FAT3: variants seen among roughly 807,000 people sequenced by gnomAD.
The protein encoded by FAT3 is FAT atypical cadherin 3, also known as protocadherin Fat 3.
Under a neutral mutation model 310.2 loss-of-function variants are expected in FAT3, and 95 were observed. The observed-to-expected ratio is 0.31, with a 90% CI of 0.26 to 0.36. The LOEUF is 0.36. Among genes scored for constraint, FAT3 ranks in the 10% least tolerant of loss-of-function variants. The pLI, the probability that FAT3 is intolerant of heterozygous loss-of-function variation, is 1.00. For missense variants in FAT3, 5,408 were observed against 5,715.6 expected (o/e 0.95, Z 1.74); for synonymous variants, 2,314 against 2,192.9 (o/e 1.06, Z -1.54).
At chr11:92,411,156 T>TATA (rs1555037851) in intron 2 of FAT3, among the ~76,000 whole-genome samples, 1 of 143,086 alleles carries the variant, frequency 7.0e-6, no homozygotes, top group African/African-American at 2.5e-5. Context: ...AAATTATATA[T>TATA]ATATAATATA....
intron 1 of FAT3, among the ~76,000 whole-genome samples, chr11:92,274,085 A>G (rs1051340119): frequency 6.6e-6 from 1 of 152,060 alleles, no homozygotes; most frequent in Non-Finnish European, 1.5e-5. Context: ...AAGTCCTAAT[A>G]TTTCTGAAAC....
intron 3 of FAT3, among the ~76,000 whole-genome samples, chr11:92,526,342 A>G (rs976311382): frequency 6.6e-6 from 1 of 152,178 alleles, no homozygotes; most frequent in Non-Finnish European, 1.5e-5. Flanking sequence ...GAGAGAGAGA[A>G]CAAAAACAAA....
intron 16 of FAT3, 151 bp from the exon 17 acceptor site, chr11:92,837,512 C>T: frequency 1.1e-6 from 1 of 903,482 alleles, no homozygotes; most frequent in Non-Finnish European, 1.7e-6. Context: ...ACCCAAATGT[C>T]AGTGGTGCCA....
Position 92,801,378 on chromosome 11 carries a change from C to A in FAT3, c.8365C>A (p.Leu2789Met), listed in dbSNP as rs751102833. 2 of 1,613,902 alleles carry A rather than the reference C, an allele frequency of 1.2e-6. No individual in the cohort carries two copies. The highest frequency in any genetic ancestry group is 1.7e-6 in the Non-Finnish European group (2 of 1,179,856). Residue 2789 changes from leucine to methionine, a missense_variant, in exon 10 of 28, where the codon CTG becomes ATG. Leu to Met is a conservative substitution (Grantham distance 15). Transcript: ENST00000525166. Reference sequence around the variant, plus strand: ...CTTTAAAGTAGCAGCCACTATACCCCTGGACAAAGTAGACATTGTGTTTAC... The same window carrying A: ...CTTTAAAGTAGCAGCCACTATACCCATGGACAAAGTAGACATTGTGTTTAC... ...FHFKVAATIP[L>M]DKVDIVFTVD...
chr11:92,773,004 A>G (rs924404069), intron 6 of FAT3, among the ~76,000 whole-genome samples: 1 of 152,214 alleles, frequency 6.6e-6, no homozygotes, highest in Non-Finnish European at 1.5e-5. Context: ...ACATTGCCCT[A>G]TATGCTGTAG....
rs527759487 is a variant in FAT3, at chr11:92,517,286, A to G, written c.3293-7348A>G. On this transcript the variant is annotated intron_variant, in intron 2 of 27. Transcript: ENST00000525166. ...ATGGTACTGATACCAAAACAAATATATAGACCAAAGGGACAGAACAGAGGC... is the reference window on the plus strand; with the variant it reads ...ATGGTACTGATACCAAAACAAATATGTAGACCAAAGGGACAGAACAGAGGC... 5.9e-5 allele frequency among the ~76,000 whole-genome samples: 9 copies of G among 152,318 alleles called. No homozygotes were observed. The South Asian group carries it at 1.4e-3, about 25-fold the overall frequency.
At chr11:92,265,135 TAAG>T (rs1945900383) in intron 1 of FAT3, among the ~76,000 whole-genome samples, 1 of 151,982 alleles carries the variant, frequency 6.6e-6, no homozygotes, top group Admixed American at 6.6e-5. Flanking sequence ...GTATGTGAAT[TAAG>T]AGGACCACTG....
intron 2 of FAT3, among the ~76,000 whole-genome samples, chr11:92,444,256 G>C (rs1397837823): frequency 6.6e-6 from 1 of 152,010 alleles, no homozygotes; most frequent in Non-Finnish European, 1.5e-5. Context: ...ATGCTCATTG[G>C]GGATTTACTC....
intron 3 of FAT3, among the ~76,000 whole-genome samples, chr11:92,558,069 A>G (rs182623716): frequency 1.4e-3 from 220 of 152,310 alleles, no homozygotes; most frequent in African/African-American, 5.1e-3. Context: ...GCTTAGAGAT[A>G]TGAATCAGCC....
At chr11:92,567,229 A>G (rs1156240200) in intron 3 of FAT3, among the ~76,000 whole-genome samples, 3 of 112,880 alleles carry the variant, frequency 2.7e-5, no homozygotes, top group Admixed American at 1.8e-4. Context: ...GGCGAAGGAC[A>G]TGAACAGACA....
chr11:92,677,788 A>G (rs918145603), intron 3 of FAT3, among the ~76,000 whole-genome samples: 1 of 152,204 alleles, frequency 6.6e-6, no homozygotes. Context: ...ATTGGACAAA[A>G]CACACAAACG....
At chr11:92,344,224 T>G (rs1219244244) in intron 1 of FAT3, among the ~76,000 whole-genome samples, 1 of 152,194 alleles carries the variant, frequency 6.6e-6, no homozygotes, top group Non-Finnish European at 1.5e-5. Flanking sequence ...TCCCAACATA[T>G]CAAATGGAAA....
intron 1 of FAT3, chr11:92,336,287 GTTC>G: frequency 2.0e-6 from 1 of 501,972 alleles, no homozygotes; most frequent in South Asian, 1.7e-5. Flanking sequence ...GGGAGTCTGG[GTTC>G]TTCTCATAGA....
At chr11:92,474,580 T>C (rs1565344891) in intron 2 of FAT3, among the ~76,000 whole-genome samples, 1 of 151,958 alleles carries the variant, frequency 6.6e-6, no homozygotes, top group Non-Finnish European at 1.5e-5. Flanking sequence ...TCAAAAGGCC[T>C]TAGACAAGGG....
chr11:92,846,624 A>C (rs909711385), intron 19 of FAT3, among the ~76,000 whole-genome samples: 1 of 152,226 alleles, frequency 6.6e-6, no homozygotes, highest in Non-Finnish European at 1.5e-5. Flanking sequence ...TTGATTTTAC[A>C]TAAGACACTA....
rs1941959561 is a variant in FAT3, at chr11:92,641,450, C to T, written c.3608-55934C>T. On this transcript the variant is annotated intron_variant, in intron 3 of 27. Transcript: ENST00000525166. Reference sequence around the variant, plus strand: ...GCCAGAAGTCTGAAATCAAGGTTTCCGCAAGGCCATGCCCTCTCTGAAGGC... The same window carrying T: ...GCCAGAAGTCTGAAATCAAGGTTTCTGCAAGGCCATGCCCTCTCTGAAGGC... 2.6e-5 allele frequency among the ~76,000 whole-genome samples: 4 copies of T among 152,176 alleles called. No homozygotes were observed. In the South Asian group the frequency reaches 6.2e-4, roughly 24 times the overall value.
rs1948683735 is a variant in FAT3, at chr11:92,354,755, C to T, written c.2643C>T (p.Ser881=). The part of the protein sequence containing the change: ...LTDTQQFAIN[S]STGIVYVADQ... ...ATACACAGCAGTTTGCCATCAATAG[C>T]TCAACTGGAATCGTTTATGTAGCCG... is the stretch of plus-strand genomic sequence containing the variant. Residue 881 remains serine, a synonymous_variant, in exon 2 of 28, where the codon AGC becomes AGT. Transcript: ENST00000525166. 1 of 1,613,918 alleles carries T rather than the reference C, an allele frequency of 6.2e-7. No homozygotes were observed. The highest frequency in any genetic ancestry group is 1.1e-5 in the South Asian group (1 of 91,082).
intron 2 of FAT3, among the ~76,000 whole-genome samples, chr11:92,386,540 G>A (rs564694665): frequency 6.6e-6 from 1 of 152,312 alleles, no homozygotes; most frequent in African/African-American, 2.4e-5. Flanking sequence ...CAGTGCGTGA[G>A]CAATAAGTAC....
At chr11:92,339,506 G>T (rs1370547110) in intron 1 of FAT3, among the ~76,000 whole-genome samples, 1 of 152,150 alleles carries the variant, frequency 6.6e-6, no homozygotes, top group Non-Finnish European at 1.5e-5. Flanking sequence ...TAGTCAAGTT[G>T]GAGTAACAGA....
Sources: allele counts gnomAD v4.1 joint callset (sites outside exome capture counted in the v4.1 genomes callset), GRCh38; gene constraint gnomAD v4.1.1; transcripts MANE v1.5; gene names NCBI Gene and HGNC (gene_info 2026-07-23, HGNC 2026-07-21).